The following ADGRB3 variants were observed in gnomAD, a reference collection of about 807,000 sequenced individuals.
ADGRB3 encodes adhesion G protein-coupled receptor B3.
Under a neutral mutation model 193.4 loss-of-function variants are expected in ADGRB3, and 37 were observed. The observed-to-expected ratio is 0.19, with a 90% CI of 0.15 to 0.25. The LOEUF (loss-of-function observed/expected upper bound fraction) is 0.25. ADGRB3 is among the 10% of genes least tolerant of loss of function. The pLI, the probability that ADGRB3 is intolerant of heterozygous loss-of-function variation, is 1.00. For missense variants in ADGRB3, 1,637 were observed against 1,852.9 expected, an observed-to-expected ratio of 0.88 and a Z score of 2.14; for synonymous variants, 690 against 644.2, an observed-to-expected ratio of 1.07 and a Z score of -1.08.
Position 69,156,484 on chromosome 6 carries a change from G to A in ADGRB3, c.2481-76806G>A, listed in dbSNP as rs1018794227. ...AACAGCTTGATGTGGCAAAGAATGAGACAAGATTTACCTGGCTAGGTATAT... is the reference window on the plus strand; with the variant it reads ...AACAGCTTGATGTGGCAAAGAATGAAACAAGATTTACCTGGCTAGGTATAT... On this transcript the variant is annotated intron_variant, in intron 17 of 31. Transcript: ENST00000370598. Among the ~76,000 whole-genome samples, 19 of 152,292 alleles carry A rather than the reference G, an allele frequency of 1.2e-4. No individual in the cohort carries two copies. The East Asian group carries it at 3.5e-3, about 28-fold the overall frequency.
chr6:68,736,757 A>C lies in ADGRB3; in HGVS notation c.757+97325A>C, dbSNP rs562955378. Among the ~76,000 whole-genome samples the C allele has an allele frequency of 6.2e-4, 95 of 152,246 alleles. 1 individual carries two copies. The highest frequency in any genetic ancestry group is 2.2e-3 in the African/African-American group (90 of 41,570). On this transcript the variant is annotated intron_variant, in intron 3 of 31. Transcript: ENST00000370598. ...ATCTTACAATTTTTCTATGTTCCTA[A>C]GGGAAGCAGGAACATATTTAAAATT...
chr6:68,825,092 G>A (rs1767818051), intron 3 of ADGRB3, among the ~76,000 whole-genome samples: 1 of 152,060 alleles, frequency 6.6e-6, no homozygotes, highest in African/African-American at 2.4e-5. Context: ...CCTGACGTCA[G>A]GTGATCAACC....
chr6:68,790,994 G>A lies in ADGRB3; in HGVS notation c.758-139565G>A, dbSNP rs186733486. Among the ~76,000 whole-genome samples the A allele has an allele frequency of 7.3e-5, 11 of 150,526 alleles. No homozygotes were observed. In the East Asian group the frequency reaches 1.4e-3, roughly 19 times the overall value. ...TACTTGGGAGACTGAGGAGAGGATCGCTTGAGGCCGGGAGTTTGAGACCAT... is the reference window on the plus strand; with the variant it reads ...TACTTGGGAGACTGAGGAGAGGATCACTTGAGGCCGGGAGTTTGAGACCAT... On this transcript the variant is annotated intron_variant, in intron 3 of 31. Coordinates refer to ENST00000370598, the MANE Select transcript of ADGRB3 (RefSeq NM_001704.3).
chr6:69,214,088 T>C (rs1765723322), intron 17 of ADGRB3, among the ~76,000 whole-genome samples: 1 of 152,078 alleles, frequency 6.6e-6, no homozygotes, highest in African/African-American at 2.4e-5. Flanking sequence ...AGGAAAGTTT[T>C]ACAGAGAAGA....
chr6:69,200,632 T>C (rs942503640), intron 17 of ADGRB3, among the ~76,000 whole-genome samples: 1 of 152,116 alleles, frequency 6.6e-6, no homozygotes, highest in Non-Finnish European at 1.5e-5. Flanking sequence ...AAGCATCTGA[T>C]GGAAGCAGCT....
chr6:69,092,431 A>G (rs1772735608), intron 17 of ADGRB3, among the ~76,000 whole-genome samples: 1 of 152,144 alleles, frequency 6.6e-6, no homozygotes, highest in African/African-American at 2.4e-5. Context: ...AGAAATTGAG[A>G]CTCAAGTTTT....
chr6:68,960,815 C>T (rs1487021549), intron 8 of ADGRB3, among the ~76,000 whole-genome samples: 1 of 152,134 alleles, frequency 6.6e-6, no homozygotes, highest in African/African-American at 2.4e-5. Context: ...CATTCTGACT[C>T]AGTAGGTCTT....
At chr6:68,879,471 G>A (rs559230603) in intron 3 of ADGRB3, among the ~76,000 whole-genome samples, 3 of 151,902 alleles carry the variant, frequency 2.0e-5, no homozygotes, top group South Asian at 4.2e-4. Flanking sequence ...CTCGTGATCC[G>A]CCCACCTCGG....
chr6:69,341,409 G>A (rs1768971583), intron 26 of ADGRB3, among the ~76,000 whole-genome samples: 2 of 152,258 alleles, frequency 1.3e-5, no homozygotes, highest in South Asian at 4.1e-4. Flanking sequence ...CTGCATAAAT[G>A]TCTTAATAAG....
intron 3 of ADGRB3, among the ~76,000 whole-genome samples, chr6:68,789,161 G>A (rs1386893693): frequency 6.6e-6 from 1 of 151,970 alleles, no homozygotes; most frequent in Non-Finnish European, 1.5e-5. Flanking sequence ...TACATTTAAA[G>A]TTAATATTGT....
chr6:68,879,213 CTTTTTTTTTT>C (rs529789046), intron 3 of ADGRB3, among the ~76,000 whole-genome samples: 3 of 91,916 alleles, frequency 3.3e-5, no homozygotes, highest in Middle Eastern at 6.3e-3. Flanking sequence ...CTTTTTGTCG[CTTTTTTTTTT>C]TTTTTTTTTT....
At chr6:68,639,549 C>A in intron 3 of ADGRB3, 117 bp downstream of exon 3, 2 of 1,321,752 alleles carry the variant, frequency 1.5e-6, no homozygotes, top group Non-Finnish European at 2.0e-6. Context: ...CTTTTTGATT[C>A]ATTTGATTTG....
chr6:68,886,835 AC>A (rs1562071960), intron 3 of ADGRB3, among the ~76,000 whole-genome samples: 1 of 152,008 alleles, frequency 6.6e-6, no homozygotes, highest in Non-Finnish European at 1.5e-5. Flanking sequence ...CTTTATATGT[AC>A]TGTTCTGTGA....
chr6:68,669,994 T>G (rs1768905766), intron 3 of ADGRB3, among the ~76,000 whole-genome samples: 1 of 152,118 alleles, frequency 6.6e-6, no homozygotes, highest in Admixed American at 6.6e-5. Context: ...CATTGTAGTT[T>G]TGATTTGCAT....
intron 17 of ADGRB3, among the ~76,000 whole-genome samples, chr6:69,097,232 A>G (rs1031394032): frequency 6.6e-6 from 1 of 152,230 alleles, no homozygotes; most frequent in Non-Finnish European, 1.5e-5. Context: ...ATGATGACCA[A>G]CTTAATAAGA....
At chr6:68,742,748 G>T (rs751400465) in intron 3 of ADGRB3, among the ~76,000 whole-genome samples, 130 of 152,034 alleles carry the variant, frequency 8.6e-4, no homozygotes, top group Non-Finnish European at 1.8e-3. Flanking sequence ...GAAATAATGT[G>T]ATAATAAAGT....
chr6:68,839,674 A>G (rs1314720260), intron 3 of ADGRB3, among the ~76,000 whole-genome samples: 5 of 152,188 alleles, frequency 3.3e-5, no homozygotes. Flanking sequence ...TCTACTGATC[A>G]TCCTCCTTGC....
At chr6:68,908,450 C>T (rs1424170795) in intron 3 of ADGRB3, among the ~76,000 whole-genome samples, 1 of 152,072 alleles carries the variant, frequency 6.6e-6, no homozygotes, top group East Asian at 1.9e-4. Flanking sequence ...TATTCCTCTT[C>T]ACCTGATTTC....
intron 17 of ADGRB3, among the ~76,000 whole-genome samples, chr6:69,219,483 A>G (rs1333248591): frequency 6.2e-5 from 5 of 80,324 alleles, no homozygotes; most frequent in African/African-American, 3.8e-4. Flanking sequence ...ATATATATAT[A>G]TATATATATA....
Sources: allele counts gnomAD v4.1 joint callset (sites outside exome capture counted in the v4.1 genomes callset), GRCh38; gene constraint gnomAD v4.1.1; transcripts MANE v1.5; gene names NCBI Gene and HGNC (gene_info 2026-07-23, HGNC 2026-07-21).